The following FILIP1 variants were observed in gnomAD, a reference collection of about 807,000 sequenced individuals.
The protein encoded by FILIP1 is filamin-A-interacting protein 1.
Under a neutral mutation model 102.1 loss-of-function variants are expected in FILIP1, and 61 were observed. The observed-to-expected ratio is 0.60, with a 90% CI of 0.49 to 0.74. FILIP1 has a LOEUF of 0.74. Ranked by LOEUF, FILIP1 falls within the 30% of genes least tolerant of loss-of-function variation. The probability of loss-of-function intolerance (pLI) is 0.00; values close to 1 mark genes in which losing one functional copy is unlikely to be tolerated. For synonymous variants in FILIP1, 491 were observed against 526.9 expected (o/e 0.93, Z 0.93); for missense variants, 1,314 against 1,441.2 (o/e 0.91, Z 1.43).
At chr6:75,490,541 A>T (rs1377200631) in intron 1 of FILIP1, among the ~76,000 whole-genome samples, 1 of 152,140 alleles carries the variant, frequency 6.6e-6, no homozygotes, top group Non-Finnish European at 1.5e-5. Flanking sequence ...ATTTAAATGA[A>T]TTGTACCAAA....
chr6:75,418,417 G>A (rs1012830336), intron 1 of FILIP1, among the ~76,000 whole-genome samples: 2 of 152,110 alleles, frequency 1.3e-5, no homozygotes, highest in Non-Finnish European at 2.9e-5. Flanking sequence ...GAAGCAATCT[G>A]GTCAATTATT....
Position 75,423,932 on chromosome 6 carries a change from C to T in FILIP1, c.-6-8954G>A, listed in dbSNP as rs145490196. Among the ~76,000 whole-genome samples, 1,466 of 152,198 alleles carry T rather than the reference C, an allele frequency of 9.6e-3. 30 individuals are homozygous for T. Among genetic ancestry groups the T allele is most frequent in the African/African-American group, 0.034 (1,397 of 41,536 alleles). ...AAAAATGTATTGATTGTAATCATCC[C>T]TATTTTGATTAATAAAGATGTGTTT... On this transcript the variant is annotated intron_variant, in intron 1 of 5. Coordinates refer to ENST00000237172, the MANE Select transcript of FILIP1 (RefSeq NM_015687.5).
chr6:75,466,113 C>CGAGG (rs1779159068), intron 1 of FILIP1, among the ~76,000 whole-genome samples: 1 of 152,166 alleles, frequency 6.6e-6, no homozygotes, highest in South Asian at 2.1e-4. Context: ...ACCTGCTCCA[C>CGAGG]GAGGCATTCC....
intron 1 of FILIP1, among the ~76,000 whole-genome samples, chr6:75,443,221 T>C (rs1479517317): frequency 6.6e-6 from 1 of 152,228 alleles, no homozygotes; most frequent in Non-Finnish European, 1.5e-5. Flanking sequence ...ATCCAAATTA[T>C]ACTATTTATT....
At chr6:75,449,212 G>T (rs934327773) in intron 1 of FILIP1, among the ~76,000 whole-genome samples, 3 of 152,124 alleles carry the variant, frequency 2.0e-5, no homozygotes, top group African/African-American at 7.2e-5. Flanking sequence ...ATTATTCTAA[G>T]TGAAGTAACT....
intron 1 of FILIP1, among the ~76,000 whole-genome samples, chr6:75,441,521 C>A (rs1230974961): frequency 6.6e-6 from 1 of 152,036 alleles, no homozygotes; most frequent in African/African-American, 2.4e-5. Context: ...GGGTGGTGGC[C>A]GGGTAGAGGG....
downstream of FILIP1, among the ~76,000 whole-genome samples, chr6:75,306,248 A>C (rs960728607): frequency 3.3e-5 from 5 of 152,174 alleles, no homozygotes; most frequent in Non-Finnish European, 5.9e-5. Flanking sequence ...CTCTATTCCA[A>C]TATCTAGATG....
At chr6:75,441,923 C>T (rs1582513385) in intron 1 of FILIP1, among the ~76,000 whole-genome samples, 1 of 148,548 alleles carries the variant, frequency 6.7e-6, no homozygotes, top group African/African-American at 2.5e-5. Flanking sequence ...GGCGGCTGGC[C>T]GGGCGGGGGG....
chr6:75,443,994 C>T (rs1293203644), intron 1 of FILIP1, among the ~76,000 whole-genome samples: 1 of 152,144 alleles, frequency 6.6e-6, no homozygotes, highest in African/African-American at 2.4e-5. Flanking sequence ...TGAATGGTGA[C>T]AACTCAGCAC....
At chr6:75,394,303 T>C (rs1264334545) in intron 2 of FILIP1, among the ~76,000 whole-genome samples, 1 of 152,112 alleles carries the variant, frequency 6.6e-6, no homozygotes, top group East Asian at 1.9e-4. Context: ...ATGGGTTAAA[T>C]ATTTAAATAA....
intron 2 of FILIP1, among the ~76,000 whole-genome samples, chr6:75,374,847 T>C (rs1775701921): frequency 6.6e-6 from 1 of 152,218 alleles, no homozygotes; most frequent in South Asian, 2.1e-4. Context: ...ACAACTCTGT[T>C]TATTAAGTTA....
downstream of FILIP1, chr6:75,308,077 T>A (rs1465039967): frequency 1.0e-6 from 1 of 985,832 alleles, no homozygotes; most frequent in Non-Finnish European, 1.2e-6. Context: ...TAAGTAAAAC[T>A]CTGTTCTTAG....
intron 1 of FILIP1, among the ~76,000 whole-genome samples, chr6:75,463,346 G>T (rs1327307698): frequency 2.0e-5 from 3 of 152,124 alleles, no homozygotes; most frequent in African/African-American, 7.2e-5. Context: ...GAATTATCTT[G>T]TTCTATTATA....
Position 75,312,728 on chromosome 6 carries a change from G to A in FILIP1, c.3104C>T (p.Thr1035Ile), listed in dbSNP as rs1773249148. ...TTTTTCTGGGGTGACTTTGAGGATTGTCCGTCCCATGGGCATTTCCTGGGA... is the reference window on the plus strand; with the variant it reads ...TTTTTCTGGGGTGACTTTGAGGATTATCCGTCCCATGGGCATTTCCTGGGA... ...PESQEMPMGR[T>I]ILKVTPEKQT... Residue 1035 changes from threonine (T) to isoleucine (I), a missense_variant, in exon 5 of 6, where the codon ACA becomes ATA. Transcript: ENST00000237172. 6.2e-7 allele frequency: 1 copy of A among 1,614,064 alleles called. No individual in the cohort carries two copies. The highest frequency in any genetic ancestry group is 1.7e-5 in the Admixed American group (1 of 60,000).
intron 4 of FILIP1, among the ~76,000 whole-genome samples, chr6:75,326,807 G>C (rs1314277394): frequency 6.6e-6 from 1 of 152,150 alleles, no homozygotes. Flanking sequence ...GGACAGCTCA[G>C]GTTTGCCAGA....
At chr6:75,350,146 C>T (rs148049997) in intron 4 of FILIP1, among the ~76,000 whole-genome samples, 27 of 152,052 alleles carry the variant, frequency 1.8e-4, no homozygotes, top group African/African-American at 6.0e-4. Context: ...TCAGAGAGTG[C>T]CCACGGCATG....
intron 1 of FILIP1, among the ~76,000 whole-genome samples, chr6:75,416,975 ATTAG>A (rs1777292140): frequency 6.6e-6 from 1 of 152,158 alleles, no homozygotes; most frequent in Admixed American, 6.6e-5. Context: ...TCAATTTTAT[ATTAG>A]TTCTTTCTAA....
chr6:75,326,072 A>AGAT (rs1773842790), intron 4 of FILIP1, among the ~76,000 whole-genome samples: 1 of 138,602 alleles, frequency 7.2e-6, no homozygotes, highest in African/African-American at 2.9e-5. Context: ...GATAGATGAT[A>AGAT]GATAGATAGA....
chr6:75,397,600 A>G (rs868520443), intron 2 of FILIP1, among the ~76,000 whole-genome samples: 150 of 150,122 alleles, frequency 1.0e-3, no homozygotes, highest in African/African-American at 3.5e-3. Flanking sequence ...ATATATATAT[A>G]TATAATTCCA....
Sources: allele counts gnomAD v4.1 joint callset (sites outside exome capture counted in the v4.1 genomes callset), GRCh38; gene constraint gnomAD v4.1.1; transcripts MANE v1.5; gene names NCBI Gene and HGNC (gene_info 2026-07-23, HGNC 2026-07-21).